JARID2: variants seen among roughly 807,000 people sequenced by gnomAD.
The protein encoded by JARID2 is protein Jumonji.
A neutral mutation model predicts 125.6 loss-of-function variants in JARID2; 21 were observed. That is an observed-to-expected ratio of 0.17 (90% CI 0.12 to 0.24). JARID2 has a LOEUF of 0.24. JARID2 is among the 10% of genes least tolerant of loss of function. The pLI is 1.00. For missense variants in JARID2, 1,303 were observed against 1,639.6 expected, an observed-to-expected ratio of 0.79 and a Z score of 3.55; for synonymous variants, 736 against 661.6, an observed-to-expected ratio of 1.11 and a Z score of -1.73.
rs973110902 is a variant in JARID2, at chr6:15,392,175, T to G, written c.181+17923T>G. Among the ~76,000 whole-genome samples the G allele has an allele frequency of 3.9e-5, 6 of 152,138 alleles. No individual in the cohort carries two copies. The South Asian group carries it at 6.2e-4, about 16-fold the overall frequency. Reference sequence around the variant, plus strand: ...TTGATGATTGCTGTCCTTCCTTTACTGTCAAGCCACGTTAAGGTGGCCTAA... The same window carrying G: ...TTGATGATTGCTGTCCTTCCTTTACGGTCAAGCCACGTTAAGGTGGCCTAA... On this transcript the variant is annotated intron_variant, in intron 2 of 17. Transcript: ENST00000341776.
At chr6:15,418,007 T>C (rs188289847) in intron 3 of JARID2, among the ~76,000 whole-genome samples, 80 of 152,248 alleles carry the variant, frequency 5.3e-4, no homozygotes, top group Middle Eastern at 3.4e-3. Context: ...TTTGAAGTTA[T>C]TGAGTCACGG....
intron 3 of JARID2, among the ~76,000 whole-genome samples, chr6:15,433,552 A>G (rs1767063472): frequency 6.6e-6 from 1 of 152,124 alleles, no homozygotes; most frequent in Non-Finnish European, 1.5e-5. Context: ...TTATTAGAGC[A>G]AACAATGTGA....
chr6:15,301,227 G>C (rs1229475071), intron 1 of JARID2, among the ~76,000 whole-genome samples: 2 of 152,140 alleles, frequency 1.3e-5, no homozygotes, highest in Non-Finnish European at 2.9e-5. Flanking sequence ...TTAGCAAATG[G>C]GAACTTGAGC....
At chr6:15,454,531 G>A (rs149157320) in intron 4 of JARID2, among the ~76,000 whole-genome samples, 50 of 152,236 alleles carry the variant, frequency 3.3e-4, no homozygotes, top group African/African-American at 1.2e-3. Flanking sequence ...CTTCTGGAGT[G>A]CAGTGGCACA....
intron 1 of JARID2, among the ~76,000 whole-genome samples, chr6:15,289,929 T>C (rs1025944126): frequency 6.6e-6 from 1 of 152,164 alleles, no homozygotes; most frequent in Admixed American, 6.6e-5. Flanking sequence ...AATGTACAAG[T>C]CACTAAACCA....
intron 5 of JARID2, among the ~76,000 whole-genome samples, chr6:15,470,854 CTGT>C (rs1424256087): frequency 3.9e-5 from 6 of 152,148 alleles, no homozygotes; most frequent in African/African-American, 7.2e-5. Flanking sequence ...GGACTGTTGC[CTGT>C]TGTTCCACCA....
chr6:15,437,109 C>T (rs1196109145), intron 3 of JARID2, among the ~76,000 whole-genome samples: 1 of 152,136 alleles, frequency 6.6e-6, no homozygotes, highest in Non-Finnish European at 1.5e-5. Flanking sequence ...GTGTGGTCAT[C>T]TTTTCTTCCT....
chr6:15,397,775 T>C (rs1007408001), intron 2 of JARID2, among the ~76,000 whole-genome samples: 2 of 152,218 alleles, frequency 1.3e-5, no homozygotes, highest in South Asian at 2.1e-4. Context: ...TATCCAAGGA[T>C]ATCTACCACT....
chr6:15,509,042 A>G (rs1581663759), intron 12 of JARID2: 1 of 1,289,164 alleles, frequency 7.8e-7, no homozygotes, highest in Non-Finnish European at 1.0e-6. Context: ...CGTTCCTGCC[A>G]TGTGGAGACA....
At chr6:15,289,295 C>CT (rs1316011857) in intron 1 of JARID2, among the ~76,000 whole-genome samples, 8 of 152,336 alleles carry the variant, frequency 5.3e-5, no homozygotes, top group African/African-American at 1.9e-4. Context: ...ATGCAGAACA[C>CT]TGTCAGCAGT....
intron 3 of JARID2, among the ~76,000 whole-genome samples, chr6:15,420,054 G>A (rs1766414074): frequency 6.6e-6 from 1 of 152,138 alleles, no homozygotes; most frequent in Non-Finnish European, 1.5e-5. Flanking sequence ...ATTTTAGATA[G>A]TTTATACCCT....
intron 4 of JARID2, among the ~76,000 whole-genome samples, 156 bp from the exon 5 acceptor site, chr6:15,468,386 A>G (rs1768850430): frequency 1.3e-5 from 2 of 152,124 alleles, no homozygotes; most frequent in Admixed American, 6.5e-5. Flanking sequence ...CAAAAGGCAC[A>G]GATGATCTTG....
chr6:15,372,856 G>C (rs929366152), intron 1 of JARID2, among the ~76,000 whole-genome samples: 3 of 151,896 alleles, frequency 2.0e-5, no homozygotes, highest in Non-Finnish European at 4.4e-5. Flanking sequence ...TTACAGTCGC[G>C]TGCCACCACG....
intron 1 of JARID2, among the ~76,000 whole-genome samples, chr6:15,365,617 C>T (rs1259699306): frequency 6.8e-6 from 1 of 148,062 alleles, no homozygotes; most frequent in African/African-American, 2.6e-5. Context: ...ATTTCAGCTG[C>T]AGCTTTTTTT....
At chr6:15,441,838 C>T (rs901696421) in intron 3 of JARID2, among the ~76,000 whole-genome samples, 2 of 151,930 alleles carry the variant, frequency 1.3e-5, no homozygotes, top group African/African-American at 2.4e-5. Flanking sequence ...GTTGCCCAGC[C>T]TGGAGTGCAA....
At chr6:15,311,540 T>C (rs2127427388) in intron 1 of JARID2, among the ~76,000 whole-genome samples, 1 of 152,264 alleles carries the variant, frequency 6.6e-6, no homozygotes, top group South Asian at 2.1e-4. Context: ...ATCGCGCCAT[T>C]GTACTCCAGC....
intron 16 of JARID2, 39 bp downstream of exon 16, chr6:15,513,461 T>TGG (rs752488628): frequency 1.1e-4 from 169 of 1,550,860 alleles, no homozygotes; most frequent in Non-Finnish European, 1.5e-4. Flanking sequence ...TCGCATGTAG[T>TGG]GCTTGGCCTG....
intron 2 of JARID2, among the ~76,000 whole-genome samples, chr6:15,381,737 G>A (rs1764597374): frequency 6.6e-6 from 1 of 152,078 alleles, no homozygotes; most frequent in Non-Finnish European, 1.5e-5. Flanking sequence ...TTATTATGTG[G>A]GAGGCATTGT....
intron 3 of JARID2, among the ~76,000 whole-genome samples, chr6:15,428,195 TATC>T (rs1359757088): frequency 2.6e-5 from 4 of 152,178 alleles, no homozygotes; most frequent in African/African-American, 7.2e-5. Flanking sequence ...ATAAGGTAAA[TATC>T]ATGCAAGAAT....
Sources: gnomAD v4.1 joint callset for allele counts (sites outside exome capture counted in the v4.1 genomes callset) on GRCh38, gnomAD v4.1.1 for gene constraint, MANE v1.5 for transcripts, NCBI Gene and HGNC (gene_info 2026-07-23, HGNC 2026-07-21) for gene names.